ERBB4: variants seen among roughly 807,000 people sequenced by gnomAD.
ERBB4 encodes receptor tyrosine-protein kinase erbB-4.
A neutral mutation model predicts 158.0 loss-of-function variants in ERBB4; 42 were observed. The observed-to-expected ratio is 0.27, with a 90% CI of 0.21 to 0.34. The LOEUF is 0.34. Ranked by LOEUF, ERBB4 falls within the 10% of genes least tolerant of loss-of-function variation. The pLI is 1.00. For missense variants in ERBB4, 1,333 were observed against 1,624.1 expected, an observed-to-expected ratio of 0.82 and a Z score of 3.08; for synonymous variants, 583 against 558.7, an observed-to-expected ratio of 1.04 and a Z score of -0.61.
intron 2 of ERBB4, among the ~76,000 whole-genome samples, chr2:212,091,338 C>T (rs1044821532): frequency 2.8e-4 from 42 of 151,896 alleles, no homozygotes; most frequent in African/African-American, 9.0e-4. Flanking sequence ...AGCTTAAGTT[C>T]GATTTTGAGC....
intron 25 of ERBB4, among the ~76,000 whole-genome samples, chr2:211,407,449 A>AATT (rs1419040365): frequency 2.0e-5 from 3 of 152,190 alleles, no homozygotes; most frequent in Non-Finnish European, 4.4e-5. Context: ...GGAGGGAAAC[A>AATT]ATTAAGTATG....
intron 26 of ERBB4, 145 bp from the exon 27 acceptor site, chr2:211,387,295 G>A (rs2062707199): frequency 1.4e-6 from 1 of 716,736 alleles, no homozygotes; most frequent in Admixed American, 2.2e-5. Flanking sequence ...AGTGGCTAAT[G>A]GAGTTACAAA....
rs981770874 is a variant in ERBB4, at chr2:211,799,241, T to A, written c.422-11082A>T. Among the ~76,000 whole-genome samples, 3 of 152,156 alleles carry A rather than the reference T, an allele frequency of 2.0e-5. No homozygotes were observed. The South Asian group carries it at 6.2e-4, about 32-fold the overall frequency. ...GGTCCTTACCACCACCCAATCATTT[T>A]CTCCACTGTAAAAATTATTTTCATA... On this transcript the variant is annotated intron_variant, in intron 3 of 27. Transcript: ENST00000342788.
intron 4 of ERBB4, among the ~76,000 whole-genome samples, chr2:211,757,424 G>A (rs981549925): frequency 6.6e-6 from 1 of 152,114 alleles, no homozygotes; most frequent in Non-Finnish European, 1.5e-5. Context: ...AAATATATTA[G>A]GCAATTACTG....
chr2:212,255,367 C>A (rs763769352), intron 1 of ERBB4, among the ~76,000 whole-genome samples: 17 of 152,100 alleles, frequency 1.1e-4, no homozygotes, highest in Non-Finnish European at 2.4e-4. Context: ...ACTAATGTAA[C>A]TCCAATTTAA....
rs1553558268 is a variant in ERBB4 at position 212,101,350 on chromosome 2, C to CATATATATATATATATGTATACAT, written c.234+23401_234+23402insATGTATACATATATATATATATAT. On this transcript the variant is annotated intron_variant, in intron 2 of 27. Transcript: ENST00000342788. ...AATACAAACACACACACACCCTATA[C>CATATATATATATATATGTATACAT]ATATATATATATATATGTATATGTA... 1.3e-4 allele frequency among the ~76,000 whole-genome samples: 18 copies of CATATATATATATATATGTATACAT among 143,088 alleles called. 1 individual carries two copies. The highest frequency in any genetic ancestry group is 2.3e-4 in the Non-Finnish European group (15 of 65,890). The allele number at this position is 143,088 out of a possible 152,430, so 93.9% of individuals were successfully genotyped here. A position where few individuals can be genotyped will look rare whatever the true frequency, so the allele number is the denominator to read the frequency against.
chr2:211,400,121 A>G (rs2063002534), intron 25 of ERBB4, among the ~76,000 whole-genome samples: 1 of 152,142 alleles, frequency 6.6e-6, no homozygotes, highest in South Asian at 2.1e-4. Context: ...GCTCTTGATA[A>G]GAGAAAAGGA....
intron 1 of ERBB4, among the ~76,000 whole-genome samples, chr2:212,444,771 G>A (rs112431671): frequency 3.3e-5 from 5 of 152,064 alleles, no homozygotes; most frequent in African/African-American, 9.7e-5. Context: ...TGCCCAATTT[G>A]GCAGCAGCAG....
At chr2:211,434,645 T>C (rs181507005) in intron 20 of ERBB4, among the ~76,000 whole-genome samples, 1 of 152,344 alleles carries the variant, frequency 6.6e-6, no homozygotes, top group Admixed American at 6.5e-5. Context: ...TTTTTTGAAA[T>C]TCTATACACA....
At chr2:212,499,236 G>A (rs945815570) in intron 1 of ERBB4, among the ~76,000 whole-genome samples, 3 of 151,928 alleles carry the variant, frequency 2.0e-5, no homozygotes, top group African/African-American at 4.8e-5. Flanking sequence ...AACGGGAAGT[G>A]GTGAGACTTA....
chr2:211,660,840 T>C (rs1423208983), intron 15 of ERBB4, among the ~76,000 whole-genome samples: 2 of 152,060 alleles, frequency 1.3e-5, no homozygotes, highest in Non-Finnish European at 2.9e-5. Flanking sequence ...GAAAATATAA[T>C]TGAGTAAAAC....
chr2:211,733,201 A>G lies in ERBB4; in HGVS notation c.623-8007T>C, dbSNP rs371259641. Among the ~76,000 whole-genome samples the G allele has an allele frequency of 8.5e-5, 13 of 152,322 alleles. No homozygotes were observed. The East Asian group carries it at 1.4e-3, about 16-fold the overall frequency. On this transcript the variant is annotated intron_variant, in intron 5 of 27. Transcript: ENST00000342788. Reference sequence around the variant, plus strand: ...AACCTATTTAATAAAGACATGATCAATGATTCATTGAGGGACCTTAAAGCT... The same window carrying G: ...AACCTATTTAATAAAGACATGATCAGTGATTCATTGAGGGACCTTAAAGCT...
chr2:212,029,798 T>C (rs1384160115), intron 2 of ERBB4, among the ~76,000 whole-genome samples: 3 of 152,164 alleles, frequency 2.0e-5, no homozygotes, highest in Non-Finnish European at 4.4e-5. Flanking sequence ...ACTTATGTAT[T>C]TAATGCTCAG....
intron 1 of ERBB4, among the ~76,000 whole-genome samples, chr2:212,172,160 A>G (rs2081537338): frequency 1.3e-5 from 2 of 152,226 alleles, no homozygotes; most frequent in African/African-American, 2.4e-5. Context: ...AAACATGAAA[A>G]AAAGCTCAAT....
intron 1 of ERBB4, among the ~76,000 whole-genome samples, chr2:212,257,765 T>C (rs944859251): frequency 1.3e-5 from 2 of 152,146 alleles, no homozygotes; most frequent in African/African-American, 2.4e-5. Context: ...TATGTATATA[T>C]TATCTACTGT....
chr2:212,133,238 G>A (rs1256856826), intron 1 of ERBB4, among the ~76,000 whole-genome samples: 1 of 151,664 alleles, frequency 6.6e-6, no homozygotes, highest in African/African-American at 2.4e-5. Context: ...GCTTCTAATT[G>A]CACTGACTAT....
At chr2:211,614,444 A>G (rs78980012) in intron 19 of ERBB4, among the ~76,000 whole-genome samples, 2,764 of 152,158 alleles carry the variant, frequency 0.018, 59 homozygotes, top group African/African-American at 0.051. Flanking sequence ...AACTCAAAGG[A>G]TAAATGCTTG....
intron 4 of ERBB4, among the ~76,000 whole-genome samples, chr2:211,763,467 C>A (rs2075467360): frequency 6.6e-6 from 1 of 152,124 alleles, no homozygotes; most frequent in South Asian, 2.1e-4. Flanking sequence ...ACACAATGGG[C>A]TTCTCAGATT....
chr2:212,056,716 A>T (rs1287278955), intron 2 of ERBB4, among the ~76,000 whole-genome samples: 1 of 152,226 alleles, frequency 6.6e-6, no homozygotes, highest in African/African-American at 2.4e-5. Context: ...ACCTTTATAG[A>T]CAAGCAAATG....
Sources: gnomAD v4.1 joint callset for allele counts (sites outside exome capture counted in the v4.1 genomes callset) on GRCh38, gnomAD v4.1.1 for gene constraint, MANE v1.5 for transcripts, NCBI Gene and HGNC (gene_info 2026-07-23, HGNC 2026-07-21) for gene names.